CFAP54: variants seen among roughly 807,000 people sequenced by gnomAD.
CFAP54 encodes cilia- and flagella-associated protein 54.
In CFAP54, 290 loss-of-function variants were observed where a neutral mutation model predicts 370.4. That is an observed-to-expected ratio of 0.78 (90% CI 0.71 to 0.86). The LOEUF is 0.86. CFAP54 is among the 40% of genes least tolerant of loss of function. The pLI is 0.00. For synonymous variants in CFAP54, 1,206 were observed against 1,236.5 expected, an observed-to-expected ratio of 0.98 and a Z score of 0.52; for missense variants, 3,399 against 3,528.7, an observed-to-expected ratio of 0.96 and a Z score of 0.93.
Position 96,668,744 on chromosome 12 carries a change from C to T in CFAP54, c.5563+4812C>T, listed in dbSNP as rs73377667. ...GATGAAAATGGAAATAATACTTTCT[C>T]TAAATTGCATTTTTCATGTGTCTCT... is the stretch of plus-strand genomic sequence containing the variant. On this transcript the variant is annotated intron_variant, in intron 39 of 67. Transcript: ENST00000524981. Among the ~76,000 whole-genome samples, 505 of 152,288 alleles carry T rather than the reference C, an allele frequency of 3.3e-3. 7 individuals are homozygous for T. Among genetic ancestry groups the T allele is most frequent in the African/African-American group, 0.012 (487 of 41,550 alleles).
chr12:96,674,767 A>G (rs990275865), intron 39 of CFAP54, among the ~76,000 whole-genome samples: 1 of 152,188 alleles, frequency 6.6e-6, no homozygotes, highest in African/African-American at 2.4e-5. Flanking sequence ...GTGAGAATAG[A>G]GACTGTCTGT....
chr12:96,760,677 C>T (rs1432229413), intron 58 of CFAP54, among the ~76,000 whole-genome samples: 3 of 152,158 alleles, frequency 2.0e-5, no homozygotes, highest in African/African-American at 7.2e-5. Flanking sequence ...GGACTACAGG[C>T]ATGTACCGCC....
chr12:96,795,957 C>T (rs997246508), intron 63 of CFAP54, among the ~76,000 whole-genome samples: 1 of 152,212 alleles, frequency 6.6e-6, no homozygotes, highest in African/African-American at 2.4e-5. Context: ...AGAGTGCCCA[C>T]AGGGCTCTTC....
At chr12:96,787,319 A>G (rs1363557085) in intron 62 of CFAP54, among the ~76,000 whole-genome samples, 1 of 136,706 alleles carries the variant, frequency 7.3e-6, no homozygotes, top group African/African-American at 2.7e-5. Flanking sequence ...ACCTTTTGCA[A>G]TTGTGAGTGT....
intron 36 of CFAP54, among the ~76,000 whole-genome samples, chr12:96,653,752 G>T (rs1003860918): frequency 6.6e-6 from 1 of 151,110 alleles, no homozygotes; most frequent in Admixed American, 6.6e-5. Flanking sequence ...ATAATAAAAA[G>T]AAATAAAAGA....
At chr12:96,716,919 T>C (rs1957688059) in intron 48 of CFAP54, among the ~76,000 whole-genome samples, 1 of 152,184 alleles carries the variant, frequency 6.6e-6, no homozygotes, top group South Asian at 2.1e-4. Flanking sequence ...GTGTTATTTT[T>C]GCTGGTCATC....
At chr12:96,547,793 CCTCA>C (rs1038414181) in intron 14 of CFAP54, 105 bp from the exon 15 acceptor site, 3 of 421,280 alleles carry the variant, frequency 7.1e-6, no homozygotes, top group Non-Finnish European at 1.2e-5. Context: ...TTCGTTTCCT[CCTCA>C]CTCTTGCCCT....
At chr12:96,559,809 G>T (rs1369789328) in intron 17 of CFAP54, among the ~76,000 whole-genome samples, 2 of 152,024 alleles carry the variant, frequency 1.3e-5, no homozygotes, top group African/African-American at 4.8e-5. Context: ...TCACTCTGAA[G>T]AAAGGTAACA....
intron 50 of CFAP54, among the ~76,000 whole-genome samples, chr12:96,728,388 T>G (rs1202680833): frequency 6.6e-6 from 1 of 152,220 alleles, no homozygotes; most frequent in East Asian, 1.9e-4. Flanking sequence ...TTTTATTCTT[T>G]TTTCTCTAAA....
chr12:96,678,072 C>A (rs1293974790), intron 39 of CFAP54, among the ~76,000 whole-genome samples: 1 of 152,122 alleles, frequency 6.6e-6, no homozygotes, highest in East Asian at 1.9e-4. Flanking sequence ...AGGCACTGGA[C>A]TTGAACACCG....
chr12:96,591,633 T>A (rs1956125304), intron 23 of CFAP54, among the ~76,000 whole-genome samples: 1 of 152,108 alleles, frequency 6.6e-6, no homozygotes, highest in South Asian at 2.1e-4. Context: ...CTCACGCCTG[T>A]AATCCCAGCA....
intron 19 of CFAP54, among the ~76,000 whole-genome samples, chr12:96,571,501 G>T (rs1955916828): frequency 6.6e-6 from 1 of 152,104 alleles, no homozygotes; most frequent in African/African-American, 2.4e-5. Context: ...AGGCACTGTG[G>T]TAGGTAGTAT....
At chr12:96,865,408 T>C (rs1474726049) in intron 67 of CFAP54, among the ~76,000 whole-genome samples, 1 of 152,168 alleles carries the variant, frequency 6.6e-6, no homozygotes, top group Non-Finnish European at 1.5e-5. Context: ...TGTATACTAT[T>C]TGTATAAAGC....
At chr12:96,595,769 A>G (rs1956171643) in intron 25 of CFAP54, among the ~76,000 whole-genome samples, 1 of 152,128 alleles carries the variant, frequency 6.6e-6, no homozygotes, top group South Asian at 2.1e-4. Flanking sequence ...AGTATGGTTC[A>G]TCCAAAACCC....
intron 60 of CFAP54, among the ~76,000 whole-genome samples, chr12:96,772,643 A>T: frequency 7.8e-6 from 1 of 127,446 alleles, no homozygotes; most frequent in East Asian, 2.1e-4. Flanking sequence ...CCCAGGCTGG[A>T]GTGCAATGGC....
chr12:96,543,527 T>C (rs1955601638), intron 14 of CFAP54, among the ~76,000 whole-genome samples: 1 of 152,218 alleles, frequency 6.6e-6, no homozygotes, highest in African/African-American at 2.4e-5. Flanking sequence ...GCATTTATTA[T>C]ACTGAAGTCT....
Position 96,765,057 on chromosome 12 carries a change from A to T in CFAP54, c.8140-20A>T, listed in dbSNP as rs773805793. 7.2e-7 allele frequency: 1 copy of T among 1,393,474 alleles called. No homozygotes were observed. The highest frequency in any genetic ancestry group is 9.5e-7 in the Non-Finnish European group (1 of 1,054,548). The allele number at this position is 1,393,474 out of a possible 1,614,324, so 86.3% of individuals were successfully genotyped here. A position where few individuals can be genotyped will look rare whatever the true frequency, so the allele number is the denominator to read the frequency against. ...TTAGAAAGCTTATATTTATAATTCT[A>T]ATTTATGCATTAATTGTAGGTCAGT... is the stretch of plus-strand genomic sequence containing the variant. On this transcript the variant is annotated intron_variant, in intron 59 of 67. Transcript: ENST00000524981.
chr12:96,703,875 C>T (rs1957517961), intron 46 of CFAP54, among the ~76,000 whole-genome samples: 1 of 152,184 alleles, frequency 6.6e-6, no homozygotes, highest in Middle Eastern at 3.4e-3. Flanking sequence ...AATTCTGCTT[C>T]CAGGAATCTA....
chr12:96,707,094 C>G (rs1407401794), intron 47 of CFAP54, among the ~76,000 whole-genome samples: 3 of 113,416 alleles, frequency 2.6e-5, no homozygotes, highest in Non-Finnish European at 5.6e-5. Flanking sequence ...AGAAGAAGAA[C>G]CAGCAAAGAA....
Sources: gnomAD v4.1 joint callset for allele counts (sites outside exome capture counted in the v4.1 genomes callset) on GRCh38, gnomAD v4.1.1 for gene constraint, MANE v1.5 for transcripts, NCBI Gene and HGNC (gene_info 2026-07-23, HGNC 2026-07-21) for gene names.